The following CCAR1 variants were observed in gnomAD, a reference collection of about 807,000 sequenced individuals.
CCAR1 encodes cell division cycle and apoptosis regulator 1.
Under a neutral mutation model 163.8 loss-of-function variants are expected in CCAR1, and 78 were observed. The ratio of observed to expected loss-of-function variants is 0.48; its 90% CI spans 0.40 to 0.57. The LOEUF is 0.57. Ranked by LOEUF, CCAR1 falls within the 20% of genes least tolerant of loss-of-function variation. CCAR1 has a pLI of 0.00. For missense variants in CCAR1, 1,019 were observed against 1,365.2 expected (o/e 0.75, Z 4.00); for synonymous variants, 443 against 460.7 (o/e 0.96, Z 0.49).
At position 68,725,755 on chromosome 10, in the gene CCAR1, T is replaced by G. The variant is rs551607961; in HGVS notation, c.73+3178T>G. The stretch of plus-strand genomic sequence containing the variant: ...TTCGAGGTCAATTTCGGAGACACTG[T>G]GATCTTCTAACTTCAGTGTTCCAAA... On this transcript the variant is annotated intron_variant, in intron 2 of 24. Transcript: ENST00000265872. Among the ~76,000 whole-genome samples, 4 of 152,326 alleles carry G rather than the reference T, an allele frequency of 2.6e-5. No homozygotes were observed. In the South Asian group the frequency reaches 8.3e-4, roughly 32 times the overall value.
At chr10:68,752,883 A>AATAG (rs36140870) in intron 10 of CCAR1, among the ~76,000 whole-genome samples, 22,319 of 142,190 alleles carry the variant, frequency 0.16, 1,712 homozygotes, top group East Asian at 0.18. Flanking sequence ...GATAGGATAG[A>AATAG]ATAGATAGAT....
chr10:68,728,528 C>A (rs966970901), intron 2 of CCAR1, among the ~76,000 whole-genome samples: 14 of 152,130 alleles, frequency 9.2e-5, no homozygotes, highest in Non-Finnish European at 2.9e-5. Context: ...TAAGAAGAGG[C>A]TATTGCCAGG....
rs772644252 is a variant in CCAR1 at position 68,753,833 on chromosome 10, A to G, written c.1119-19A>G. On this transcript the variant is annotated intron_variant, in intron 10 of 24. Coordinates refer to ENST00000265872, the MANE Select transcript of CCAR1 (RefSeq NM_018237.4). ...TTTTTATTAAGGCTATTTATTCACT[A>G]CTTATGTCTGTTTTTCAGTCCCAGT... 3.3e-6 allele frequency: 5 copies of G among 1,533,618 alleles called. No individual in the cohort carries two copies. The highest frequency in any genetic ancestry group is 4.5e-6 in the Non-Finnish European group (5 of 1,107,490).
intron 4 of CCAR1, among the ~76,000 whole-genome samples, chr10:68,740,097 A>G (rs2056163840): frequency 6.6e-6 from 1 of 152,190 alleles, no homozygotes; most frequent in Admixed American, 6.5e-5. Context: ...AATTGGATTG[A>G]TGACCAGTGA....
chr10:68,740,115 T>G (rs1353897422), intron 4 of CCAR1, among the ~76,000 whole-genome samples: 1 of 152,232 alleles, frequency 6.6e-6, no homozygotes, highest in Non-Finnish European at 1.5e-5. Context: ...TGATATTTTT[T>G]GATACAAGTA....
intron 19 of CCAR1, among the ~76,000 whole-genome samples, chr10:68,780,910 C>T (rs943887085): frequency 7.2e-5 from 11 of 152,258 alleles, no homozygotes; most frequent in Admixed American, 6.5e-4. Flanking sequence ...TATTGGGCCT[C>T]CCTATTCCCT....
At chr10:68,786,438 T>G in intron 20 of CCAR1, 108 bp from the exon 21 acceptor site, 1 of 809,884 alleles carries the variant, frequency 1.2e-6, no homozygotes, top group East Asian at 2.7e-5. Context: ...ATGAGGCAAA[T>G]ATCTTATTAG....
chr10:68,729,707 A>G (rs1451370655), intron 2 of CCAR1, among the ~76,000 whole-genome samples: 1 of 151,886 alleles, frequency 6.6e-6, no homozygotes, highest in East Asian at 1.9e-4. Context: ...CGTCTTAAAA[A>G]AAAAAAAAAA....
intron 21 of CCAR1, 59 bp downstream of exon 21, chr10:68,786,751 G>A (rs1156436302): frequency 1.8e-5 from 26 of 1,438,268 alleles, no homozygotes; most frequent in Non-Finnish European, 2.5e-5. Flanking sequence ...CCTTTCCAGT[G>A]AAAAGTTAAT....
chr10:68,758,071 T>C (rs1187907402), intron 15 of CCAR1, among the ~76,000 whole-genome samples: 1 of 152,080 alleles, frequency 6.6e-6, no homozygotes, highest in Non-Finnish European at 1.5e-5. Context: ...GAATATTTTT[T>C]TGAGACAGAG....
intron 15 of CCAR1, among the ~76,000 whole-genome samples, chr10:68,758,970 C>A (rs896218815): frequency 1.3e-5 from 2 of 152,104 alleles, no homozygotes; most frequent in African/African-American, 4.8e-5. Context: ...CCTCCCCTGG[C>A]CCGCTGTCAT....
chr10:68,786,662 T>C lies in CCAR1; in HGVS notation c.2850T>C (p.Tyr950=). The change falls in exon 21 of 25, where the codon TAT becomes TAC. Residue 950 remains tyrosine (Y), a synonymous_variant. Transcript: ENST00000265872. ...AAAAGGATTTGGAAGAAATACTTTATACTCTTGGACTACATCTTTCTCGGG... is the reference window on the plus strand; with the variant it reads ...AAAAGGATTTGGAAGAAATACTTTACACTCTTGGACTACATCTTTCTCGGG... The part of the protein sequence containing the change: ...LLEKDLEEIL[Y]TLGLHLSRAQ... 6.2e-7 allele frequency: 1 copy of C among 1,603,022 alleles called. No individual in the cohort carries two copies. The highest frequency in any genetic ancestry group is 1.1e-5 in the South Asian group (1 of 88,256).
chr10:68,745,750 CACA>C (rs1211563775), intron 6 of CCAR1, among the ~76,000 whole-genome samples: 3 of 151,830 alleles, frequency 2.0e-5, no homozygotes, highest in Non-Finnish European at 1.5e-5. Context: ...AGGCGTGAGC[CACA>C]ACAACGCCCG....
chr10:68,732,026 T>A (rs1325953479), intron 2 of CCAR1, among the ~76,000 whole-genome samples: 1 of 152,140 alleles, frequency 6.6e-6, no homozygotes, highest in Non-Finnish European at 1.5e-5. Context: ...AGAAAAATTA[T>A]AAGAAAAAAT....
chr10:68,736,500 C>T (rs750502251), intron 2 of CCAR1, among the ~76,000 whole-genome samples: 3 of 152,190 alleles, frequency 2.0e-5, no homozygotes, highest in Non-Finnish European at 2.9e-5. Context: ...CTGGGCCCCA[C>T]AGCCTCTTGT....
In CCAR1 at chr10:68,750,267, G is replaced by C. The variant is rs568470473; in HGVS notation, c.1118+582G>C. On this transcript the variant is annotated intron_variant, in intron 10 of 24. Transcript: ENST00000265872. ...GTCTTACTCTTTCACCCAGGTTGGAGTGCAGTGGCATGATCTTAGCTCACT... is the reference window on the plus strand; with the variant it reads ...GTCTTACTCTTTCACCCAGGTTGGACTGCAGTGGCATGATCTTAGCTCACT... Among the ~76,000 whole-genome samples, 24 of 145,934 alleles carry C rather than the reference G, an allele frequency of 1.6e-4. No homozygotes were observed. The South Asian group carries it at 5.1e-3, about 31-fold the overall frequency.
In CCAR1 at chr10:68,771,456, A is replaced by G. The variant is rs1310471608; in HGVS notation, c.2538+11A>G. 6.4e-7 allele frequency: 1 copy of G among 1,569,996 alleles called. No individual in the cohort carries two copies. The highest frequency in any genetic ancestry group is 8.6e-7 in the Non-Finnish European group (1 of 1,161,220). On this transcript the variant is annotated intron_variant, in intron 18 of 24. Coordinates refer to ENST00000265872, the MANE Select transcript of CCAR1 (RefSeq NM_018237.4). ...AGAGATGAAAGGAAGGTCTGTAATAACAACCTGCTTTAGAAGCTTTCAGTT... is the reference window on the plus strand; with the variant it reads ...AGAGATGAAAGGAAGGTCTGTAATAGCAACCTGCTTTAGAAGCTTTCAGTT...
At chr10:68,721,967 T>C (rs773261064) in intron 1 of CCAR1, among the ~76,000 whole-genome samples, 1 of 152,298 alleles carries the variant, frequency 6.6e-6, no homozygotes, top group East Asian at 1.9e-4. Context: ...CCTTTTCTAC[T>C]TTGGAAAGTA....
Position 68,756,276 on chromosome 10 carries a change from C to T in CCAR1, c.1629C>T (p.Tyr543=), listed in dbSNP as rs2056396354. ...CATGCTTCTTCCCTTGCAACAGGTACCGTTTTGCAGAGATTCGCTACCATC... is the reference window on the plus strand; with the variant it reads ...CATGCTTCTTCCCTTGCAACAGGTATCGTTTTGCAGAGATTCGCTACCATC... ...GIDLSVCTQW[Y]RFAEIRYHRP... Residue 543 remains tyrosine (Y), a synonymous_variant, in exon 14 of 25, where the codon TAC becomes TAT. Coordinates refer to ENST00000265872, the MANE Select transcript of CCAR1 (RefSeq NM_018237.4). This position sits in a 1 kb window ranked among gnomAD's most constrained non-coding sequence, Gnocchi z 5.1. 6.2e-7 allele frequency: 1 copy of T among 1,611,596 alleles called. No homozygotes were observed. The highest frequency in any genetic ancestry group is 8.5e-7 in the Non-Finnish European group (1 of 1,178,306).
Sources: gnomAD v4.1 joint callset for allele counts (sites outside exome capture counted in the v4.1 genomes callset) on GRCh38, gnomAD v4.1.1 for gene constraint, Gnocchi (gnomAD v3.1) non-coding constraint, MANE v1.5 for transcripts, NCBI Gene and HGNC (gene_info 2026-07-23, HGNC 2026-07-21) for gene names.